DNAJC5: variants seen among roughly 807,000 people sequenced by gnomAD.
DNAJC5 encodes DnaJ heat shock protein family (Hsp40) member C5.
A neutral mutation model predicts 23.2 loss-of-function variants in DNAJC5; 1 was observed. That is an observed-to-expected ratio of 0.04 (90% confidence interval 0.02 to 0.20). DNAJC5 has a LOEUF of 0.20. DNAJC5 is among the 10% of genes least tolerant of loss of function. DNAJC5 has a pLI of 1.00. For synonymous variants in DNAJC5, 136 were observed against 120.0 expected (o/e 1.13, Z -0.87); for missense variants, 180 against 267.0 (o/e 0.67, Z 2.27).
intron 1 of DNAJC5, among the ~76,000 whole-genome samples, chr20:63,926,017 A>G (rs965157985): frequency 3.3e-5 from 5 of 151,740 alleles, no homozygotes; most frequent in African/African-American, 1.2e-4. Context: ...TTTATTAGAG[A>G]TGGGGTTTCA....
At chr20:63,902,358 C>CTTTTT (rs34309020) in intron 1 of DNAJC5, among the ~76,000 whole-genome samples, 10 of 83,360 alleles carry the variant, frequency 1.2e-4, no homozygotes, top group African/African-American at 1.6e-4. Context: ...CTGGCCTCAT[C>CTTTTT]TTTTTTTTTT....
chr20:63,895,541 A>AGCCGG (rs966819894), intron 1 of DNAJC5, among the ~76,000 whole-genome samples: 75 of 143,124 alleles, frequency 5.2e-4, no homozygotes, highest in Non-Finnish European at 7.0e-4. Flanking sequence ...GGCCTGCGGG[A>AGCCGG]GCCGGGCCGG....
intron 1 of DNAJC5, among the ~76,000 whole-genome samples, chr20:63,918,431 G>A (rs1458952856): frequency 1.3e-5 from 2 of 152,118 alleles, no homozygotes; most frequent in African/African-American, 4.8e-5. Context: ...AAACTAATTA[G>A]CGTTTAGGGA....
intron 1 of DNAJC5, among the ~76,000 whole-genome samples, chr20:63,922,341 T>C (rs987516746): frequency 7.9e-5 from 12 of 151,824 alleles, no homozygotes. Flanking sequence ...CGCGCGCCTG[T>C]AATCCCAGCC....
intron 1 of DNAJC5, among the ~76,000 whole-genome samples, chr20:63,907,242 G>A (rs765301550): frequency 6.6e-6 from 1 of 152,160 alleles, no homozygotes; most frequent in African/African-American, 2.4e-5. Flanking sequence ...TACGATGTAC[G>A]GTGCTTGGGA....
intron 1 of DNAJC5, among the ~76,000 whole-genome samples, chr20:63,899,020 C>CTT (rs1363224119): frequency 6.6e-6 from 1 of 152,170 alleles, no homozygotes. Flanking sequence ...TGTGCTAGGC[C>CTT]TTCCTTCGTG....
intron 1 of DNAJC5, among the ~76,000 whole-genome samples, chr20:63,898,305 G>A (rs2053387519): frequency 6.6e-6 from 1 of 152,188 alleles, no homozygotes; most frequent in Non-Finnish European, 1.5e-5. Flanking sequence ...TATCTGAGGT[G>A]GAGTTTGCTT....
intron 1 of DNAJC5, among the ~76,000 whole-genome samples, chr20:63,897,069 T>C (rs1016464671): frequency 2.0e-5 from 3 of 152,184 alleles, no homozygotes; most frequent in Non-Finnish European, 4.4e-5. Context: ...ACTTTGAATC[T>C]ATAATTATTT....
Position 63,904,752 on chromosome 20 carries a change from T to A in DNAJC5, c.-12+9429T>A, listed in dbSNP as rs115224922. ...CTTAAACAGGCTTATCTTATATTTT[T>A]AAAAGGCAAAGGACAATAAGGCAGA... On this transcript the variant is annotated intron_variant, in intron 1 of 4. Coordinates refer to ENST00000360864, the MANE Select transcript of DNAJC5 (RefSeq NM_025219.3). Among the ~76,000 whole-genome samples the A allele has an allele frequency of 9.1e-3, 1,385 of 152,312 alleles. 12 individuals are homozygous for A. Among genetic ancestry groups the A allele is most frequent in the African/African-American group, 0.032 (1,317 of 41,558 alleles).
At position 63,906,334 on chromosome 20, in the gene DNAJC5, T is replaced by C. The variant is rs1294443614; in HGVS notation, c.-12+11011T>C. 2.0e-5 allele frequency among the ~76,000 whole-genome samples: 3 copies of C among 151,290 alleles called. No homozygotes were observed. In the East Asian group the frequency reaches 5.9e-4, roughly 30 times the overall value. On this transcript the variant is annotated intron_variant, in intron 1 of 4. Transcript: ENST00000360864. Reference sequence around the variant, plus strand: ...AAACCCCTTCCATCTCTACTAAAAATATGAAAATTAGCCAGGTGTGGTGCA... The same window carrying C: ...AAACCCCTTCCATCTCTACTAAAAACATGAAAATTAGCCAGGTGTGGTGCA...
chr20:63,918,549 G>C (rs1175425825), intron 1 of DNAJC5, among the ~76,000 whole-genome samples: 3 of 152,228 alleles, frequency 2.0e-5, no homozygotes, highest in East Asian at 3.8e-4. Flanking sequence ...TTTTAAATTA[G>C]AGACGGGATC....
In DNAJC5 at chr20:63,895,558, C is replaced by T. The variant is rs1478979586; in HGVS notation, c.-12+235C>T. ...CCTGCGGGAGCCGGGCCGGGCCGGG[C>T]CGGGGGTCTGAGCACCGTGGTGGGG... On this transcript the variant is annotated intron_variant, in intron 1 of 4. Transcript: ENST00000360864. 4.0e-5 allele frequency among the ~76,000 whole-genome samples: 6 copies of T among 150,464 alleles called. No individual in the cohort carries two copies. In the East Asian group the frequency reaches 1.2e-3, roughly 29 times the overall value.
At position 63,929,658 on chromosome 20, in the gene DNAJC5, A is replaced by ACCGAGTCTCTCCTGCCGTGCGGGCG; in HGVS notation, c.321+135_321+136insGAGTCTCTCCTGCCGTGCGGGCGCC. 1.4e-6 allele frequency: 1 copy of ACCGAGTCTCTCCTGCCGTGCGGGCG among 697,880 alleles called. No individual in the cohort carries two copies. Among genetic ancestry groups the ACCGAGTCTCTCCTGCCGTGCGGGCG allele is most frequent in the Non-Finnish European group, 2.3e-6 (1 of 439,796 alleles). The allele number at this position is 697,880 out of a possible 1,614,324, so 43.2% of individuals were successfully genotyped here. ...CCCGAGTCTCTCCTGCCGTGCGGGC[A>ACCGAGTCTCTCCTGCCGTGCGGGCG]CCCGAGTCTCTCCTGCCGTGCGGGC... On this transcript the variant is annotated intron_variant, in intron 3 of 4. Transcript: ENST00000360864. The surrounding 1 kb of genome is among the most constrained non-coding windows in gnomAD (Gnocchi z 8.6).
intron 1 of DNAJC5, among the ~76,000 whole-genome samples, chr20:63,905,046 C>G (rs1055494124): frequency 6.7e-6 from 1 of 149,664 alleles, no homozygotes; most frequent in African/African-American, 2.5e-5. Flanking sequence ...ATCAGGTGAT[C>G]CGCCTGCCTC....
chr20:63,930,215 G>A (rs1227184287), intron 3 of DNAJC5, among the ~76,000 whole-genome samples: 1 of 152,188 alleles, frequency 6.6e-6, no homozygotes, highest in Non-Finnish European at 1.5e-5. Flanking sequence ...GTCTCGCTCT[G>A]TTGCCCAGAC....
At chr20:63,895,639 C>T (rs1259729242) in intron 1 of DNAJC5, among the ~76,000 whole-genome samples, 3 of 151,856 alleles carry the variant, frequency 2.0e-5, no homozygotes, top group African/African-American at 7.2e-5. Context: ...CTCCGCTCCC[C>T]CAGGTCCCCG....
At chr20:63,926,672 C>T (rs1311901642) in intron 1 of DNAJC5, among the ~76,000 whole-genome samples, 2 of 152,226 alleles carry the variant, frequency 1.3e-5, no homozygotes, top group Non-Finnish European at 1.5e-5. Context: ...TGGCCCCGCT[C>T]AGGCTGGCAG....
intron 1 of DNAJC5, among the ~76,000 whole-genome samples, chr20:63,905,242 A>G (rs1188544015): frequency 6.6e-6 from 1 of 150,604 alleles, no homozygotes; most frequent in Non-Finnish European, 1.5e-5. Flanking sequence ...CAGCCTCCTG[A>G]GTAGCTGGAA....
intron 1 of DNAJC5, among the ~76,000 whole-genome samples, chr20:63,925,424 A>G (rs1163091829): frequency 6.6e-6 from 1 of 152,204 alleles, no homozygotes; most frequent in African/African-American, 2.4e-5. Context: ...CAGAGATTGC[A>G]GTGAACTGAG....
Sources: allele counts gnomAD v4.1 joint callset (sites outside exome capture counted in the v4.1 genomes callset), GRCh38; gene constraint gnomAD v4.1.1; non-coding constraint Gnocchi (gnomAD v3.1); transcripts MANE v1.5; gene names NCBI Gene and HGNC (gene_info 2026-07-23, HGNC 2026-07-21).